The following FBXO42 variants were observed in gnomAD, a reference collection of about 807,000 sequenced individuals.
FBXO42 encodes F-box protein 42.
In FBXO42, 12 loss-of-function variants were observed where a neutral mutation model predicts 71.7. That is an observed-to-expected ratio of 0.17 (90% CI 0.11 to 0.27). The LOEUF is 0.27. Among genes scored for constraint, FBXO42 ranks in the 10% least tolerant of loss-of-function variants. The pLI is 1.00. For missense variants in FBXO42, 707 were observed against 911.9 expected (o/e 0.78, Z 2.89); for synonymous variants, 325 against 327.5 (o/e 0.99, Z 0.08).
chr1:16,310,503 C>A (rs2082302544), intron 2 of FBXO42, among the ~76,000 whole-genome samples: 2 of 152,068 alleles, frequency 1.3e-5, no homozygotes, highest in Admixed American at 6.6e-5. Context: ...TAGACTCCAG[C>A]GTGGGTGACA....
intron 2 of FBXO42, among the ~76,000 whole-genome samples, chr1:16,311,652 G>A (rs2082314792): frequency 6.6e-6 from 1 of 151,832 alleles, no homozygotes; most frequent in Non-Finnish European, 1.5e-5. Context: ...TCAGGGAAAT[G>A]CAAATTAAAA....
At chr1:16,350,757 A>AAGAAAGAAAGAAAG (rs1553156685) in intron 1 of FBXO42, among the ~76,000 whole-genome samples, 51 of 44,264 alleles carry the variant, frequency 1.2e-3, no homozygotes, top group African/African-American at 3.6e-3. Context: ...AAAAAAAAAA[A>AAGAAAGAAAGAAAG]AAAGAAAGAA....
chr1:16,264,530 T>C (rs540321351), intron 4 of FBXO42, among the ~76,000 whole-genome samples: 9 of 152,300 alleles, frequency 5.9e-5, no homozygotes, highest in East Asian at 3.9e-4. Flanking sequence ...GTCATTCCCA[T>C]TGAGTTCCCA....
intron 2 of FBXO42, among the ~76,000 whole-genome samples, chr1:16,308,290 C>A (rs2082273758): frequency 1.3e-5 from 2 of 152,082 alleles, no homozygotes; most frequent in African/African-American, 4.8e-5. Flanking sequence ...CTTTACTGAT[C>A]TTTGACAAAG....
At chr1:16,326,272 T>TCTCGAA (rs1207581072) in intron 1 of FBXO42, among the ~76,000 whole-genome samples, 3 of 151,224 alleles carry the variant, frequency 2.0e-5, no homozygotes, top group Non-Finnish European at 4.4e-5. Flanking sequence ...GTCAGGCTGG[T>TCTCGAA]CTCGAACTCC....
chr1:16,339,407 G>C (rs192353801), intron 1 of FBXO42, among the ~76,000 whole-genome samples: 1 of 152,000 alleles, frequency 6.6e-6, no homozygotes, highest in East Asian at 2.0e-4. Context: ...CCGCCACCTG[G>C]GTTCAAGTGA....
chr1:16,254,021 G>A (rs1438282748), intron 6 of FBXO42, among the ~76,000 whole-genome samples: 1 of 152,200 alleles, frequency 6.6e-6, no homozygotes, highest in South Asian at 2.1e-4. Context: ...ACTACTGTCT[G>A]AGGAGCTGAT....
chr1:16,264,349 C>A (rs766316191), intron 4 of FBXO42, among the ~76,000 whole-genome samples: 3 of 152,224 alleles, frequency 2.0e-5, no homozygotes, highest in Non-Finnish European at 4.4e-5. Flanking sequence ...GGCACATAAC[C>A]ACTATGGTGA....
At chr1:16,272,407 GCACCAC>G (rs1370876245) in intron 4 of FBXO42, among the ~76,000 whole-genome samples, 1 of 151,402 alleles carries the variant, frequency 6.6e-6, no homozygotes, top group Non-Finnish European at 1.5e-5. Flanking sequence ...TTACAGGCAT[GCACCAC>G]CACGCCCAGC....
At chr1:16,322,519 T>C (rs886814316) in intron 1 of FBXO42, among the ~76,000 whole-genome samples, 3 of 152,150 alleles carry the variant, frequency 2.0e-5, no homozygotes, top group African/African-American at 7.2e-5. Context: ...GAGGTTGCAG[T>C]GAGCTGAGAT....
intron 1 of FBXO42, among the ~76,000 whole-genome samples, chr1:16,318,749 C>A (rs1312454510): frequency 6.6e-6 from 1 of 152,156 alleles, no homozygotes; most frequent in Non-Finnish European, 1.5e-5. Context: ...GCAGAAGCAG[C>A]AGGATTGGGC....
chr1:16,290,962 T>C (rs1463503046), intron 4 of FBXO42, among the ~76,000 whole-genome samples: 1 of 152,126 alleles, frequency 6.6e-6, no homozygotes, highest in Non-Finnish European at 1.5e-5. Context: ...CATAACCAAA[T>C]ACACATGTAA....
chr1:16,329,458 C>T lies in FBXO42; in HGVS notation c.-17-14023G>A, dbSNP rs1384192051. Among the ~76,000 whole-genome samples, 5 of 151,948 alleles carry T rather than the reference C, an allele frequency of 3.3e-5. No individual in the cohort carries two copies. The East Asian group carries it at 7.8e-4, about 24-fold the overall frequency. On this transcript the variant is annotated intron_variant, in intron 1 of 9. Coordinates refer to ENST00000375592, the MANE Select transcript of FBXO42 (RefSeq NM_018994.3). ...AATTAGCCAGGCGTGGCGGTGTGCGCCTGTAGTCCCAGCTACTTGGGAGGC... is the reference window on the plus strand; with the variant it reads ...AATTAGCCAGGCGTGGCGGTGTGCGTCTGTAGTCCCAGCTACTTGGGAGGC...
chr1:16,310,809 G>C (rs2082305162), intron 2 of FBXO42, among the ~76,000 whole-genome samples: 3 of 151,564 alleles, frequency 2.0e-5, no homozygotes, highest in African/African-American at 7.3e-5. Context: ...TGGATCACTT[G>C]ACATCAGGAG....
At chr1:16,338,066 T>C (rs368848015) in intron 1 of FBXO42, among the ~76,000 whole-genome samples, 174 of 151,878 alleles carry the variant, frequency 1.1e-3, no homozygotes, top group African/African-American at 4.1e-3. Flanking sequence ...AAGACCATCC[T>C]GGCTAACACA....
rs570033002 is a variant in FBXO42, at chr1:16,274,812, G to A, written c.503-18053C>T. Among the ~76,000 whole-genome samples the A allele has an allele frequency of 8.6e-5, 13 of 151,494 alleles. No homozygotes were observed. The South Asian group carries it at 2.7e-3, about 32-fold the overall frequency. ...TCATCACGTTGGCCAGGATTCTCTC[G>A]ATCTCCTGATCTCGTAATCTGCCCG... On this transcript the variant is annotated intron_variant, in intron 4 of 9. Transcript: ENST00000375592.
chr1:16,298,996 TAACA>T (rs1350879133), intron 3 of FBXO42, among the ~76,000 whole-genome samples: 1 of 151,914 alleles, frequency 6.6e-6, no homozygotes, highest in Non-Finnish European at 1.5e-5. Context: ...TTCAAAAAGG[TAACA>T]AACATTTTTC....
intron 1 of FBXO42, among the ~76,000 whole-genome samples, chr1:16,331,975 T>C (rs1328884663): frequency 2.0e-5 from 3 of 151,544 alleles, no homozygotes; most frequent in Admixed American, 6.6e-5. Flanking sequence ...CTTGAACCTG[T>C]GAGGTGAAGG....
intron 1 of FBXO42, among the ~76,000 whole-genome samples, chr1:16,342,867 T>A (rs1443562886): frequency 6.6e-6 from 1 of 152,028 alleles, no homozygotes; most frequent in Non-Finnish European, 1.5e-5. Flanking sequence ...ACTAGATTAG[T>A]TCCTGGGAGA....
Sources: gnomAD v4.1 joint callset for allele counts (sites outside exome capture counted in the v4.1 genomes callset) on GRCh38, gnomAD v4.1.1 for gene constraint, MANE v1.5 for transcripts, NCBI Gene and HGNC (gene_info 2026-07-23, HGNC 2026-07-21) for gene names.